Variants in PCDHGA5 observed in about 807,000 individuals in gnomAD.
The protein encoded by PCDHGA5 is protocadherin gamma subfamily A, 5, also known as protocadherin gamma-A5.
Under a neutral mutation model 56.7 loss-of-function variants are expected in PCDHGA5, and 36 were observed. The ratio of observed to expected loss-of-function variants is 0.64; its 90% CI spans 0.49 to 0.84. The LOEUF (loss-of-function observed/expected upper bound fraction) is 0.84. Among genes scored for constraint, PCDHGA5 ranks in the 40% least tolerant of loss-of-function variants. The probability of loss-of-function intolerance (pLI) is 0.00; values close to 1 mark genes in which losing one functional copy is unlikely to be tolerated. For missense variants in PCDHGA5, 1,305 were observed against 1,201.5 expected (o/e 1.09, Z -1.27); for synonymous variants, 563 against 520.2 (o/e 1.08, Z -1.12).
intron 3 of PCDHGA5, among the ~76,000 whole-genome samples, chr5:141,506,564 G>A (rs984395438): frequency 5.3e-5 from 8 of 152,016 alleles, no homozygotes; most frequent in East Asian, 1.9e-4. Context: ...AAACCCCCTC[G>A]GTTTCACTTA....
chr5:141,393,001 G>A (rs775192271), intron 1 of PCDHGA5: 1 of 1,613,908 alleles, frequency 6.2e-7, no homozygotes, highest in South Asian at 1.1e-5. Flanking sequence ...GCGAAGCACG[G>A]AGTCCGTATC....
intron 1 of PCDHGA5, chr5:141,371,190 GC>G: frequency 6.2e-7 from 1 of 1,613,982 alleles, no homozygotes; most frequent in Non-Finnish European, 8.5e-7. Flanking sequence ...AAAAGTGATG[GC>G]CATTGACATG....
chr5:141,477,611 C>T lies in PCDHGA5; in HGVS notation c.2422-17196C>T. On this transcript the variant is annotated intron_variant, in intron 1 of 3. Coordinates refer to ENST00000518069, the MANE Select transcript of PCDHGA5 (RefSeq NM_018918.3). This position sits in a 1 kb window ranked among gnomAD's most constrained non-coding sequence, Gnocchi z 4.9. ...TCGGCTTTCTTTCTTTCTCTTGGAG[C>T]AAGGAGCTGAAACCGGGCTAGTGGG... is the stretch of plus-strand genomic sequence containing the variant. The T allele has an allele frequency of 6.2e-7, 1 of 1,614,188 alleles. No homozygotes were observed. The highest frequency in any genetic ancestry group is 8.5e-7 in the Non-Finnish European group (1 of 1,180,036).
rs917165100 is a variant in PCDHGA5, at chr5:141,442,878, C to T, written c.2422-51929C>T. Among the ~76,000 whole-genome samples, 6 of 152,178 alleles carry T rather than the reference C, an allele frequency of 3.9e-5. No homozygotes were observed. In the South Asian group the frequency reaches 8.3e-4, roughly 21 times the overall value. The stretch of plus-strand genomic sequence containing the variant: ...GTATGAGAGATGTAAATTTACAACT[C>T]AGAATCCCTGCTTATCACTTCTCCT... On this transcript the variant is annotated intron_variant, in intron 1 of 3. Coordinates refer to ENST00000518069, the MANE Select transcript of PCDHGA5 (RefSeq NM_018918.3).
intron 1 of PCDHGA5, chr5:141,420,364 ACTT>A (rs746817317): frequency 1.3e-4 from 174 of 1,368,558 alleles, no homozygotes; most frequent in Non-Finnish European, 1.6e-4. Context: ...ATTCTAGATA[ACTT>A]CTTCATAGAG....
chr5:141,405,279 C>G, intron 1 of PCDHGA5: 1 of 1,614,144 alleles, frequency 6.2e-7, no homozygotes, highest in Non-Finnish European at 8.5e-7. Flanking sequence ...CCCAACTATG[C>G]AGACACACTC....
chr5:141,427,793 G>C, intron 1 of PCDHGA5: 1 of 1,495,528 alleles, frequency 6.7e-7, no homozygotes, highest in Non-Finnish European at 9.2e-7. Flanking sequence ...CGTCCTACGT[G>C]TCCGTGAGCG....
intron 3 of PCDHGA5, among the ~76,000 whole-genome samples, chr5:141,506,781 T>C (rs965408564): frequency 1.4e-4 from 22 of 152,168 alleles, no homozygotes; most frequent in African/African-American, 5.3e-4. Context: ...CCTGGGCTTA[T>C]AAGGAGGCTG....
chr5:141,502,868 T>TTTTTTTTTC (rs1298099288), intron 2 of PCDHGA5, among the ~76,000 whole-genome samples: 1 of 147,026 alleles, frequency 6.8e-6, no homozygotes, highest in Non-Finnish European at 1.5e-5. Flanking sequence ...CTCTCTGTCT[T>TTTTTTTTTC]TTTTTTTTTT....
chr5:141,398,017 A>AAACTGG (rs1270977201), intron 1 of PCDHGA5: 25 of 1,422,582 alleles, frequency 1.8e-5, no homozygotes, highest in Non-Finnish European at 2.2e-5. Context: ...ATCGTTTCCT[A>AAACTGG]AACTGGAACT....
At chr5:141,426,898 C>T (rs1246109323) in intron 1 of PCDHGA5, 1 of 456,634 alleles carries the variant, frequency 2.2e-6, no homozygotes, top group African/African-American at 2.0e-5. Flanking sequence ...CAACAGAGCT[C>T]TCATCTCCTG....
intron 1 of PCDHGA5, among the ~76,000 whole-genome samples, chr5:141,492,631 A>G (rs1203365582): frequency 6.6e-6 from 1 of 152,184 alleles, no homozygotes; most frequent in Non-Finnish European, 1.5e-5. Flanking sequence ...GCAGGACTCT[A>G]CGATCCTTGG....
At chr5:141,413,316 T>C (rs769316460) in intron 1 of PCDHGA5, 13 of 1,613,976 alleles carry the variant, frequency 8.1e-6, no homozygotes, top group Non-Finnish European at 1.1e-5. Flanking sequence ...AGAAAGGCTC[T>C]TTCGTGGGCA....
intron 1 of PCDHGA5, among the ~76,000 whole-genome samples, chr5:141,425,919 GA>G (rs2096903434): frequency 6.6e-6 from 1 of 152,056 alleles, no homozygotes; most frequent in African/African-American, 2.4e-5. Flanking sequence ...CAGTCACTAC[GA>G]AAACTCATAA....
intron 2 of PCDHGA5, among the ~76,000 whole-genome samples, chr5:141,503,292 A>T (rs7710319): frequency 0.52 from 78,681 of 151,966 alleles, 21,044 homozygotes; most frequent in African/African-American, 0.62. Flanking sequence ...TGGTACATAG[A>T]AATTGCTCAA....
At chr5:141,372,512 G>A (rs1343689121) in intron 1 of PCDHGA5, 1 of 1,614,024 alleles carries the variant, frequency 6.2e-7, no homozygotes, top group East Asian at 2.2e-5. Flanking sequence ...TCCTCCTCGC[G>A]GTGATTCTGG....
At chr5:141,499,323 GCTCT>G (rs1259902316) in intron 2 of PCDHGA5, among the ~76,000 whole-genome samples, 1 of 152,046 alleles carries the variant, frequency 6.6e-6, no homozygotes, top group East Asian at 1.9e-4. Context: ...CAGTATCCCT[GCTCT>G]CTCTCAGTTT....
At position 141,476,318 on chromosome 5, in the gene PCDHGA5, G is replaced by A. The variant is rs767809530; in HGVS notation, c.2422-18489G>A. ...TAGCCTCTCAGCCCGCAGGTTCCGG[G>A]TGGTGTCTGGAGCTAGCCGAAGATT... is the stretch of plus-strand genomic sequence containing the variant. On this transcript the variant is annotated intron_variant, in intron 1 of 3. Coordinates refer to ENST00000518069, the MANE Select transcript of PCDHGA5 (RefSeq NM_018918.3). This position sits in a 1 kb window ranked among gnomAD's most constrained non-coding sequence, Gnocchi z 7.6. The A allele has an allele frequency of 6.2e-6, 10 of 1,614,084 alleles. No homozygotes were observed. Among genetic ancestry groups the A allele is most frequent in the Non-Finnish European group, 7.6e-6 (9 of 1,180,060 alleles).
At position 141,364,906 on chromosome 5, in the gene PCDHGA5, G is replaced by A. The variant is rs1432119557; in HGVS notation, c.576G>A (p.Pro192=). The change falls in exon 1 of 4, where the codon CCG becomes CCA. Residue 192 remains proline (P), a synonymous_variant. Transcript: ENST00000518069. ...GCGGAACTGATGGACAAAAGTATCCGGAGCTGGTGTTGGAACAGCCCCTAG... is the reference window on the plus strand; with the variant it reads ...GCGGAACTGATGGACAAAAGTATCCAGAGCTGGTGTTGGAACAGCCCCTAG... The part of the protein sequence containing the change: ...VVSGTDGQKY[P]ELVLEQPLDR... 1.2e-6 allele frequency: 2 copies of A among 1,613,942 alleles called. No individual in the cohort carries two copies. Among genetic ancestry groups the A allele is most frequent in the Admixed American group, 3.3e-5 (2 of 60,024 alleles).
Sources: allele counts gnomAD v4.1 joint callset (sites outside exome capture counted in the v4.1 genomes callset), GRCh38; gene constraint gnomAD v4.1.1; non-coding constraint Gnocchi (gnomAD v3.1); transcripts MANE v1.5; gene names NCBI Gene and HGNC (gene_info 2026-07-23, HGNC 2026-07-21).